COX10: variants seen among roughly 807,000 people sequenced by gnomAD.
The protein encoded by COX10 is protoheme IX farnesyltransferase, mitochondrial.
COX10 carries 27 observed loss-of-function variants against 37.3 expected under a neutral mutation model. The observed-to-expected ratio is 0.72, with a 90% CI of 0.53 to 1.00. The LOEUF (loss-of-function observed/expected upper bound fraction) is 1.00. Among genes scored for constraint, COX10 ranks in the 50% least tolerant of loss-of-function variants. The pLI is 0.00. For missense variants in COX10, 475 were observed against 563.2 expected (o/e 0.84, Z 1.59); for synonymous variants, 222 against 229.1 (o/e 0.97, Z 0.28).
chr17:14,105,859 A>C (rs148394989), intron 4 of COX10, among the ~76,000 whole-genome samples: 1 of 152,060 alleles, frequency 6.6e-6, no homozygotes, highest in Non-Finnish European at 1.5e-5. Flanking sequence ...CTTCACATAC[A>C]CACATATCTT....
intron 5 of COX10, among the ~76,000 whole-genome samples, chr17:14,167,504 A>G (rs1226888579): frequency 6.6e-6 from 1 of 152,246 alleles, no homozygotes; most frequent in African/African-American, 2.4e-5. Context: ...TGGAGAGTCA[A>G]TCAGTTGGGC....
At chr17:14,139,343 G>A (rs190039315) in intron 4 of COX10, among the ~76,000 whole-genome samples, 4 of 152,060 alleles carry the variant, frequency 2.6e-5, no homozygotes, top group South Asian at 2.1e-4. Flanking sequence ...ATTAATTAAC[G>A]CTCATAATAT....
At chr17:14,203,447 C>T (rs1906604813) in intron 6 of COX10, among the ~76,000 whole-genome samples, 1 of 152,104 alleles carries the variant, frequency 6.6e-6, no homozygotes, top group Non-Finnish European at 1.5e-5. Context: ...ACCATCTGTA[C>T]CCACACAAAT....
At chr17:14,143,143 T>C (rs1443754532) in intron 4 of COX10, among the ~76,000 whole-genome samples, 1 of 152,196 alleles carries the variant, frequency 6.6e-6, no homozygotes, top group African/African-American at 2.4e-5. Context: ...AATTAACAAC[T>C]GTCTTATAGA....
At chr17:14,078,933 A>G (rs1371311308) in intron 3 of COX10, among the ~76,000 whole-genome samples, 1 of 152,020 alleles carries the variant, frequency 6.6e-6, no homozygotes, top group Non-Finnish European at 1.5e-5. Context: ...CCCCGCCTCC[A>G]TGGGAAACTG....
chr17:14,103,618 T>C (rs978969335), intron 4 of COX10, among the ~76,000 whole-genome samples: 1 of 151,788 alleles, frequency 6.6e-6, no homozygotes, highest in Non-Finnish European at 1.5e-5. Flanking sequence ...AAAATAAGAG[T>C]TGTTTGAGTT....
At position 14,207,066 on chromosome 17, in the gene COX10, C is replaced by T. The variant is rs772255579; in HGVS notation, c.1185C>T (p.Leu395=). The stretch of plus-strand genomic sequence containing the variant: ...CCATCAATGCGTACATCTCCTACCT[C>T]GGCTTCCGCTTCTACGTGGACGCAG... The part of the protein sequence containing the change: ...ALPINAYISY[L]GFRFYVDADR... The change falls in exon 7 of 7, where the codon CTC becomes CTT. Residue 395 remains leucine, a synonymous_variant. Coordinates refer to ENST00000261643, the MANE Select transcript of COX10 (RefSeq NM_001303.4). The T allele has an allele frequency of 1.6e-5, 26 of 1,613,964 alleles. No individual in the cohort carries two copies. The highest frequency in any genetic ancestry group is 1.6e-4 in the Middle Eastern group (1 of 6,084).
At chr17:14,186,941 TA>T (rs982192232) in intron 5 of COX10, among the ~76,000 whole-genome samples, 4 of 151,960 alleles carry the variant, frequency 2.6e-5, no homozygotes, top group African/African-American at 9.7e-5. Flanking sequence ...TTCTTATTGC[TA>T]AAATGAGGTA....
rs553746382 is a variant in COX10, at chr17:14,161,557, G to A, written c.695+1610G>A. ...TGTCTGTGAGGGTGTTTCCAGAGGA[G>A]GATAGTGTGTGAATCTGAGTGGAGT... On this transcript the variant is annotated intron_variant, in intron 5 of 6. Coordinates refer to ENST00000261643, the MANE Select transcript of COX10 (RefSeq NM_001303.4). Among the ~76,000 whole-genome samples, 7 of 152,284 alleles carry A rather than the reference G, an allele frequency of 4.6e-5. No homozygotes were observed. In the East Asian group the frequency reaches 1.4e-3, roughly 29 times the overall value.
intron 4 of COX10, among the ~76,000 whole-genome samples, chr17:14,151,526 AAC>A (rs58412592): frequency 0.14 from 19,759 of 144,722 alleles, 1,588 homozygotes; most frequent in Non-Finnish European, 0.19. Flanking sequence ...TTCCTGAACT[AAC>A]ACACACACAC....
At chr17:14,173,900 C>G (rs1162294292) in intron 5 of COX10, among the ~76,000 whole-genome samples, 2 of 152,110 alleles carry the variant, frequency 1.3e-5, no homozygotes, top group Non-Finnish European at 2.9e-5. Context: ...AATTCCACTT[C>G]CAGCATGACA....
chr17:14,107,415 G>A (rs1915918117), intron 4 of COX10, among the ~76,000 whole-genome samples: 1 of 151,672 alleles, frequency 6.6e-6, no homozygotes, highest in South Asian at 2.1e-4. Context: ...GTTTGGACAA[G>A]TAATTGTATG....
intron 4 of COX10, among the ~76,000 whole-genome samples, chr17:14,137,904 C>G (rs1270750687): frequency 4.7e-5 from 7 of 149,510 alleles, no homozygotes; most frequent in Non-Finnish European, 8.9e-5. Context: ...GTGATTCTGT[C>G]AGAGCTCTTA....
At chr17:14,078,601 G>A (rs1915209387) in intron 3 of COX10, among the ~76,000 whole-genome samples, 2 of 152,076 alleles carry the variant, frequency 1.3e-5, no homozygotes, top group African/African-American at 2.4e-5. Flanking sequence ...TGCCATCCTA[G>A]TTTACATTGG....
intron 4 of COX10, among the ~76,000 whole-genome samples, chr17:14,123,861 T>C (rs1003674939): frequency 1.3e-5 from 2 of 152,170 alleles, no homozygotes; most frequent in African/African-American, 4.8e-5. Context: ...AGTTTAAGTA[T>C]CTTTAATCAG....
At chr17:14,143,976 T>C (rs532929767) in intron 4 of COX10, among the ~76,000 whole-genome samples, 133 of 152,298 alleles carry the variant, frequency 8.7e-4, no homozygotes, top group African/African-American at 2.9e-3. Context: ...TGGTGAATTG[T>C]TGTGTCCTTC....
chr17:14,083,915 G>C (rs963934190), intron 3 of COX10, among the ~76,000 whole-genome samples: 1 of 152,118 alleles, frequency 6.6e-6, no homozygotes, highest in African/African-American at 2.4e-5. Context: ...TTTTTCCTGA[G>C]TAACATCTGT....
rs180954617 is a variant in COX10, at chr17:14,138,576, A to G, written c.625-21301A>G. On this transcript the variant is annotated intron_variant, in intron 4 of 6. Coordinates refer to ENST00000261643, the MANE Select transcript of COX10 (RefSeq NM_001303.4). The stretch of plus-strand genomic sequence containing the variant: ...GTTCTTGAGTGCTAGCTATATAAGT[A>G]AACATAGATTTCTGTGAAAAGTGCT... Among the ~76,000 whole-genome samples the G allele has an allele frequency of 2.8e-3, 423 of 152,274 alleles. 1 individual carries two copies. Among genetic ancestry groups the G allele is most frequent in the Non-Finnish European group, 5.0e-3 (338 of 68,026 alleles).
chr17:14,139,073 A>G (rs759424983), intron 4 of COX10, among the ~76,000 whole-genome samples: 2 of 152,236 alleles, frequency 1.3e-5, no homozygotes, highest in Non-Finnish European at 2.9e-5. Context: ...TGAGGATTAC[A>G]TGAAATAATA....
Sources: allele counts gnomAD v4.1 joint callset (sites outside exome capture counted in the v4.1 genomes callset), GRCh38; gene constraint gnomAD v4.1.1; transcripts MANE v1.5; gene names NCBI Gene and HGNC (gene_info 2026-07-23, HGNC 2026-07-21).